The following CUBN variants were observed in gnomAD, a reference collection of about 807,000 sequenced individuals.
The protein encoded by CUBN is cubilin, also known as 460 kDa receptor.
CUBN carries 282 observed loss-of-function variants against 405.3 expected under a neutral mutation model. That is an observed-to-expected ratio of 0.70 (90% confidence interval 0.63 to 0.77). The LOEUF is 0.77. Among genes scored for constraint, CUBN ranks in the 30% least tolerant of loss-of-function variants. The probability of loss-of-function intolerance (pLI) is 0.00; values close to 1 mark genes in which losing one functional copy is unlikely to be tolerated. For synonymous variants in CUBN, 1,684 were observed against 1,617.0 expected, an observed-to-expected ratio of 1.04 and a Z score of -0.99; for missense variants, 4,514 against 4,475.2, an observed-to-expected ratio of 1.01 and a Z score of -0.25.
At chr10:16,910,707 G>A (rs1358818461) in intron 48 of CUBN, among the ~76,000 whole-genome samples, 1 of 151,814 alleles carries the variant, frequency 6.6e-6, no homozygotes, top group African/African-American at 2.4e-5. Context: ...ATAGGAACAT[G>A]AAGAAAACTG....
At chr10:17,023,050 C>T (rs932874045) in intron 27 of CUBN, among the ~76,000 whole-genome samples, 7 of 152,176 alleles carry the variant, frequency 4.6e-5, no homozygotes, top group African/African-American at 1.7e-4. Context: ...TGCCTGTCAG[C>T]TCTGCAAGAT....
chr10:17,090,870 T>C (rs1159285454), intron 14 of CUBN, among the ~76,000 whole-genome samples: 1 of 146,788 alleles, frequency 6.8e-6, no homozygotes, highest in Non-Finnish European at 1.5e-5. Context: ...AATATTCCAA[T>C]ATAGTGTAAG....
chr10:16,884,465 T>C (rs747548463), intron 56 of CUBN, among the ~76,000 whole-genome samples: 16 of 152,188 alleles, frequency 1.1e-4, no homozygotes, highest in Non-Finnish European at 2.1e-4. Flanking sequence ...TTGGACTGTT[T>C]AATATTTGGG....
intron 62 of CUBN, among the ~76,000 whole-genome samples, chr10:16,837,919 T>G (rs1839221936): frequency 6.6e-6 from 1 of 152,180 alleles, no homozygotes; most frequent in Non-Finnish European, 1.5e-5. Context: ...GCCCTGAAAG[T>G]GCCATTCTGT....
chr10:17,035,573 G>A (rs1462283688), intron 27 of CUBN, among the ~76,000 whole-genome samples: 1 of 152,130 alleles, frequency 6.6e-6, no homozygotes, highest in Non-Finnish European at 1.5e-5. Flanking sequence ...GCACTGAAAG[G>A]TATAGTGATT....
At chr10:17,126,936 C>A in intron 3 of CUBN, 137 bp from the exon 4 acceptor site, 1 of 819,722 alleles carries the variant, frequency 1.2e-6, no homozygotes. Context: ...TCCCTTTTTC[C>A]TCTTCATTCC....
In CUBN at chr10:17,129,142, A is replaced by T. The variant is rs1399919672; in HGVS notation, c.231T>A (p.Asp77Glu). ...TTACCTGATGTAAACACTCACTGAG[A>T]TCTTCATCATTTAATTTAATTTTTC... The part of the protein sequence containing the change: ...SLGKIKLNDE[D>E]LSECLHQIQK... The change falls in exon 2 of 67, where the codon GAT becomes GAA. Residue 77 changes from aspartate to glutamate, a missense_variant. Around this residue, in one of 5 missense-constraint regions of CUBN, gnomAD observed 1,448 missense variants for 1,388.0 expected, o/e 1.04. Transcript: ENST00000377833. 5.0e-6 allele frequency: 8 copies of T among 1,612,088 alleles called. No homozygotes were observed. The highest frequency in any genetic ancestry group is 8.5e-7 in the Non-Finnish European group (1 of 1,178,354).
intron 14 of CUBN, among the ~76,000 whole-genome samples, chr10:17,093,462 T>C (rs564473965): frequency 9.9e-5 from 15 of 152,224 alleles, no homozygotes; most frequent in African/African-American, 3.6e-4. Flanking sequence ...TTCTAGGAAA[T>C]ATGGCAATCC....
At chr10:17,119,844 T>C (rs758083785) in intron 6 of CUBN, among the ~76,000 whole-genome samples, 1 of 152,192 alleles carries the variant, frequency 6.6e-6, no homozygotes, top group African/African-American at 2.4e-5. Context: ...TGTGCTATAA[T>C]CATTGTTCTA....
At chr10:17,116,035 T>C (rs942641251) in intron 6 of CUBN, among the ~76,000 whole-genome samples, 1 of 152,218 alleles carries the variant, frequency 6.6e-6, no homozygotes, top group Non-Finnish European at 1.5e-5. Flanking sequence ...TCTAGGATTA[T>C]ATAACCCCAC....
At chr10:16,990,313 A>G in intron 29 of CUBN, 21 bp downstream of exon 29, 1 of 1,613,752 alleles carries the variant, frequency 6.2e-7, no homozygotes, top group Non-Finnish European at 8.5e-7. Context: ...AATGTGCTGA[A>G]AAAACCATCT....
chr10:17,010,178 A>T lies in CUBN; in HGVS notation c.4168+9655T>A, dbSNP rs1198316858. 2.0e-5 allele frequency among the ~76,000 whole-genome samples: 3 copies of T among 152,328 alleles called. No homozygotes were observed. The East Asian group carries it at 5.8e-4, about 29-fold the overall frequency. On this transcript the variant is annotated intron_variant, in intron 28 of 66. Coordinates refer to ENST00000377833, the MANE Select transcript of CUBN (RefSeq NM_001081.4). ...TCTGGAGAATGCCCCAGCCCTTGAA[A>T]TTCTGGGCCATTTCCCAGGATTCTC...
chr10:17,102,407 C>T lies in CUBN; in HGVS notation c.1530+718G>A, dbSNP rs112417524. 3.0e-4 allele frequency among the ~76,000 whole-genome samples: 46 copies of T among 151,646 alleles called. 1 individual carries two copies. The highest frequency in any genetic ancestry group is 3.4e-3 in the Middle Eastern group (1 of 294). On this transcript the variant is annotated intron_variant, in intron 13 of 66. Transcript: ENST00000377833. ...GCTCAAGTGATTCTCCTGCCTCAGC[C>T]TCCCGAGTACCTGAGATTAAAGGCA...
intron 28 of CUBN, among the ~76,000 whole-genome samples, chr10:16,996,526 T>G (rs1833740171): frequency 6.6e-6 from 1 of 152,236 alleles, no homozygotes; most frequent in African/African-American, 2.4e-5. Context: ...GTTTTGGTTT[T>G]TGTCCAAAAC....
chr10:16,964,719 C>T (rs777820590), intron 31 of CUBN, among the ~76,000 whole-genome samples: 6 of 152,180 alleles, frequency 3.9e-5, no homozygotes, highest in African/African-American at 7.2e-5. Flanking sequence ...AACAGCACTG[C>T]AGCACCCAAG....
intron 65 of CUBN, among the ~76,000 whole-genome samples, chr10:16,830,271 TGGA>T (rs1290673262): frequency 6.6e-6 from 1 of 152,208 alleles, no homozygotes; most frequent in Non-Finnish European, 1.5e-5. Context: ...ATTTGAGCAT[TGGA>T]GGTCACCTTT....
At chr10:17,110,550 C>T (rs1326569660) in intron 9 of CUBN, among the ~76,000 whole-genome samples, 1 of 152,022 alleles carries the variant, frequency 6.6e-6, no homozygotes, top group East Asian at 1.9e-4. Flanking sequence ...TTTTTTAAGA[C>T]AGAGTCTCAC....
chr10:17,123,487 T>A, intron 5 of CUBN, 101 bp downstream of exon 5: 1 of 932,078 alleles, frequency 1.1e-6, no homozygotes, highest in Admixed American at 2.0e-5. Context: ...GGCCACAGAA[T>A]CCTAGAAACT....
In CUBN at chr10:17,045,000, T is replaced by C; in HGVS notation, c.3672+7A>G. The C allele has an allele frequency of 6.2e-7, 1 of 1,613,260 alleles. No homozygotes were observed. Among genetic ancestry groups the C allele is most frequent in the Non-Finnish European group, 8.5e-7 (1 of 1,179,260 alleles). On this transcript the variant is annotated splice_region_variant and intron_variant, in intron 25 of 66. Coordinates refer to ENST00000377833, the MANE Select transcript of CUBN (RefSeq NM_001081.4). ...AGGGAACAATATGATGGAAACATTA[T>C]ACATACAGCCAGGTAATCTAAAGTG...
Sources: gnomAD v4.1 joint callset for allele counts (sites outside exome capture counted in the v4.1 genomes callset) on GRCh38, gnomAD v4.1.1 for gene constraint, gnomAD v4.1.1 regional missense constraint, MANE v1.5 for transcripts, NCBI Gene and HGNC (gene_info 2026-07-23, HGNC 2026-07-21) for gene names.